Variants in ATP10B observed in about 807,000 individuals in gnomAD.
ATP10B encodes the protein ATPase phospholipid transporting 10B (putative), also known as phospholipid-transporting ATPase VB.
In ATP10B, 122 loss-of-function variants were observed where a neutral mutation model predicts 141.2. The observed-to-expected ratio is 0.86, with a 90% CI of 0.75 to 1.00. The LOEUF is 1.00. ATP10B is among the 50% of genes least tolerant of loss of function. The probability of loss-of-function intolerance (pLI) is 0.00; values close to 1 mark genes in which losing one functional copy is unlikely to be tolerated. For synonymous variants in ATP10B, 685 were observed against 692.0 expected (o/e 0.99, Z 0.16); for missense variants, 1,876 against 1,825.3 (o/e 1.03, Z -0.51).
chr5:160,724,825 T>G (rs1766225982), intron 2 of ATP10B, among the ~76,000 whole-genome samples: 1 of 152,226 alleles, frequency 6.6e-6, no homozygotes, highest in African/African-American at 2.4e-5. Flanking sequence ...TATTTAAAAC[T>G]GTAAGTTCCC....
chr5:160,589,232 G>A (rs929944226), intron 24 of ATP10B, among the ~76,000 whole-genome samples: 2 of 152,182 alleles, frequency 1.3e-5, no homozygotes, highest in East Asian at 1.9e-4. Context: ...GGCTGGTCTC[G>A]AATTCCTGAC....
In ATP10B at chr5:160,688,059, C is replaced by T; in HGVS notation, c.16G>A (p.Asp6Asn). MALSV[D>N]SSWHRWQWRV... ...CACTGCCACCGATGCCACGATGAGT[C>T]CACTGAGAGGGCCATTTCCAGCAGC... The change falls in exon 5 of 26, where the codon GAC (aspartate) becomes AAC (asparagine). Residue 6 changes from aspartate (D) to asparagine (N), a missense_variant. Coordinates refer to ENST00000327245, the MANE Select transcript of ATP10B (RefSeq NM_025153.3). 1.2e-6 allele frequency: 2 copies of T among 1,612,820 alleles called. No homozygotes were observed. Among genetic ancestry groups the T allele is most frequent in the Non-Finnish European group, 1.7e-6 (2 of 1,179,674 alleles).
the ATP10B span, among the ~76,000 whole-genome samples, chr5:160,900,039 T>C: frequency 2.5e-3 from 388 of 152,310 alleles, 2 homozygotes; most frequent in Middle Eastern, 6.8e-3. Context: ...GGTTGTTGTG[T>C]TATTTTTCCC....
intron 3 of ATP10B, among the ~76,000 whole-genome samples, chr5:160,703,478 TTTG>T (rs1167479708): frequency 2.2e-5 from 1 of 46,468 alleles, no homozygotes; most frequent in Non-Finnish European, 4.2e-5. Flanking sequence ...CTTGATGATA[TTTG>T]TTTTTTTTTT....
intron 18 of ATP10B, among the ~76,000 whole-genome samples, chr5:160,610,589 T>C (rs1411671938): frequency 6.6e-6 from 1 of 152,218 alleles, no homozygotes; most frequent in South Asian, 2.1e-4. Context: ...GCATAGGTAA[T>C]GTACTAAAAG....
upstream of ATP10B, among the ~76,000 whole-genome samples, chr5:160,856,283 G>A (rs1310931912): frequency 6.6e-6 from 1 of 151,626 alleles, no homozygotes; most frequent in Non-Finnish European, 1.5e-5. Context: ...TATGAGTCCT[G>A]TACACATTTT....
chr5:160,766,913 T>C (rs1331842949), intron 2 of ATP10B, among the ~76,000 whole-genome samples: 1 of 152,132 alleles, frequency 6.6e-6, no homozygotes, highest in Non-Finnish European at 1.5e-5. Flanking sequence ...ACCTAGATCA[T>C]GGTCAAGGCA....
intron 6 of ATP10B, among the ~76,000 whole-genome samples, chr5:160,674,077 G>A (rs1380105168): frequency 6.6e-6 from 1 of 152,010 alleles, no homozygotes; most frequent in East Asian, 1.9e-4. Context: ...GGTATCAGTT[G>A]ACTGCTATAA....
At chr5:160,609,863 C>T (rs1757614540) in intron 18 of ATP10B, among the ~76,000 whole-genome samples, 1 of 152,162 alleles carries the variant, frequency 6.6e-6, no homozygotes, top group African/African-American at 2.4e-5. Context: ...CAAAGTAGTC[C>T]TTTGGAAGCT....
intron 1 of ATP10B, among the ~76,000 whole-genome samples, chr5:160,802,333 A>C (rs1772430436): frequency 6.6e-6 from 1 of 152,190 alleles, no homozygotes; most frequent in African/African-American, 2.4e-5. Context: ...AAAAATCAAG[A>C]ACACGCCTAA....
At chr5:160,602,145 T>A (rs545468901) in intron 21 of ATP10B, among the ~76,000 whole-genome samples, 1 of 152,236 alleles carries the variant, frequency 6.6e-6, no homozygotes, top group Non-Finnish European at 1.5e-5. Context: ...TTATAAACGA[T>A]TACGATACGC....
chr5:160,814,805 G>C (rs1157129648), intron 1 of ATP10B, among the ~76,000 whole-genome samples: 2 of 131,900 alleles, frequency 1.5e-5, no homozygotes, highest in Admixed American at 1.5e-4. Flanking sequence ...AACTCTACAA[G>C]CCAGAAGAGA....
intron 7 of ATP10B, among the ~76,000 whole-genome samples, chr5:160,650,889 A>G (rs1301638904): frequency 6.6e-6 from 1 of 152,188 alleles, no homozygotes; most frequent in African/African-American, 2.4e-5. Context: ...TTATTGGGCC[A>G]CGAGAAATAG....
chr5:160,929,264 T>C, the ATP10B span, among the ~76,000 whole-genome samples: 1 of 152,072 alleles, frequency 6.6e-6, no homozygotes, highest in Non-Finnish European at 1.5e-5. Flanking sequence ...ACAGGGAGGG[T>C]TGGCACTCCT....
intron 2 of ATP10B, among the ~76,000 whole-genome samples, chr5:160,780,969 G>A (rs1377922516): frequency 2.0e-5 from 3 of 152,196 alleles, no homozygotes; most frequent in African/African-American, 7.2e-5. Context: ...TGTCAAAGGA[G>A]TAAACTGTTG....
rs1355036679 is a variant in ATP10B, at chr5:160,589,648, T to C, written c.3694A>G (p.Asn1232Asp). ...AGGATTGTGGTGAGGGAGATGGTGT[T>C]GATTGGTGTCCCAAAGGTAAAGACA... ...IDVFTFGTPI[N>D]TISLTTILLH... The change falls in exon 24 of 26, where the codon AAC becomes GAC. Residue 1232 changes from asparagine to aspartate, a missense_variant. Physicochemically the swap from Asn to Asp is conservative, Grantham distance 23. Transcript: ENST00000327245. 3 of 1,614,096 alleles carry C rather than the reference T, an allele frequency of 1.9e-6. No individual in the cohort carries two copies. In the South Asian group the frequency reaches 3.3e-5, roughly 18 times the overall value.
intron 6 of ATP10B, among the ~76,000 whole-genome samples, chr5:160,672,113 A>ATTG (rs1434489646): frequency 1.7e-4 from 26 of 150,246 alleles, no homozygotes; most frequent in Non-Finnish European, 3.2e-4. Context: ...AGTAGCTGGG[A>ATTG]TTATAGGCGC....
intron 24 of ATP10B, among the ~76,000 whole-genome samples, chr5:160,581,958 C>G (rs1305584497): frequency 1.3e-5 from 2 of 152,148 alleles, no homozygotes; most frequent in African/African-American, 2.4e-5. Context: ...TTATCAGAGA[C>G]TAGGATTGCA....
chr5:160,776,207 A>G (rs1187829701), intron 2 of ATP10B, among the ~76,000 whole-genome samples: 6 of 152,184 alleles, frequency 3.9e-5, no homozygotes, highest in African/African-American at 1.4e-4. Context: ...TTATTTCCCT[A>G]TCCTCAGTGC....
Sources: gnomAD v4.1 joint callset for allele counts (sites outside exome capture counted in the v4.1 genomes callset) on GRCh38, gnomAD v4.1.1 for gene constraint, MANE v1.5 for transcripts, NCBI Gene and HGNC (gene_info 2026-07-23, HGNC 2026-07-21) for gene names.